BPTF: variants seen among roughly 807,000 people sequenced by gnomAD.
BPTF encodes nucleosome-remodeling factor subunit BPTF.
A neutral mutation model predicts 292.5 loss-of-function variants in BPTF; 18 were observed. The ratio of observed to expected loss-of-function variants is 0.06; its 90% confidence interval spans 0.04 to 0.09. The LOEUF is 0.09. Among genes scored for constraint, BPTF ranks in the 10% least tolerant of loss-of-function variants. The pLI is 1.00. For synonymous variants in BPTF, 1,225 were observed against 1,251.9 expected (o/e 0.98, Z 0.45); for missense variants, 2,726 against 3,498.7 (o/e 0.78, Z 5.57).
In BPTF at chr17:67,854,833, C is replaced by T; in HGVS notation, c.1436+71C>T. On this transcript the variant is annotated intron_variant, in intron 2 of 27. Transcript: ENST00000306378. This position sits in a 1 kb window ranked among gnomAD's most constrained non-coding sequence, Gnocchi z 5.6. ...CTAGTTTCCTTCGTGATTGATGTAG[C>T]AGAGCTATGCTGTTGATGTGGTATA... 3 of 1,071,828 alleles carry T rather than the reference C, an allele frequency of 2.8e-6. No homozygotes were observed. The highest frequency in any genetic ancestry group is 4.1e-6 in the Non-Finnish European group (3 of 729,436). The allele number at this position is 1,071,828 out of a possible 1,614,324, so 66.4% of individuals were successfully genotyped here.
At chr17:67,868,971 A>T (rs1472016956) in intron 3 of BPTF, among the ~76,000 whole-genome samples, 2 of 152,166 alleles carry the variant, frequency 1.3e-5, no homozygotes, top group African/African-American at 4.8e-5. Flanking sequence ...GTTTAGAAAA[A>T]TGTGTAATTT....
intron 19 of BPTF, among the ~76,000 whole-genome samples, chr17:67,943,690 T>A (rs1490696291): frequency 6.6e-6 from 1 of 152,156 alleles, no homozygotes; most frequent in African/African-American, 2.4e-5. Flanking sequence ...CTAACCTGAG[T>A]TTCTTAGTTG....
At chr17:67,900,174 G>A (rs563660535) in intron 7 of BPTF, among the ~76,000 whole-genome samples, 12 of 151,522 alleles carry the variant, frequency 7.9e-5, no homozygotes, top group African/African-American at 2.7e-4. Context: ...GCGCCATCTC[G>A]GCTCACTGCA....
rs8078431 is a variant in BPTF, at chr17:67,843,701, G to A, written c.614-10239G>A. Among the ~76,000 whole-genome samples, 880 of 147,218 alleles carry A rather than the reference G, an allele frequency of 6.0e-3. 11 individuals are homozygous for A. Among genetic ancestry groups the A allele is most frequent in the African/African-American group, 0.02 (798 of 39,588 alleles). The stretch of plus-strand genomic sequence containing the variant: ...TAGAGCAGTTCTATCACCTTTGGGT[G>A]TGAGGGTGGTCTTTTGTGATAATGA... On this transcript the variant is annotated intron_variant, in intron 1 of 27. Coordinates refer to ENST00000306378, the MANE Select transcript of BPTF (RefSeq NM_182641.4).
At chr17:67,859,680 A>G (rs1449192573) in intron 2 of BPTF, among the ~76,000 whole-genome samples, 2 of 152,226 alleles carry the variant, frequency 1.3e-5, no homozygotes, top group African/African-American at 4.8e-5. Context: ...GTTAAAACCA[A>G]TGCTTATAAC....
At chr17:67,976,342 G>T (rs575679162) in intron 27 of BPTF, among the ~76,000 whole-genome samples, 10 of 152,136 alleles carry the variant, frequency 6.6e-5, no homozygotes, top group Middle Eastern at 3.2e-3. Flanking sequence ...GTGTGGTGAC[G>T]CACGCATGTA....
Position 67,922,626 on chromosome 17 carries a change from A to G in BPTF, c.5558-214A>G, listed in dbSNP as rs376598029. 2.1e-4 allele frequency among the ~76,000 whole-genome samples: 32 copies of G among 152,262 alleles called. 2 individuals carry two copies. In the South Asian group the frequency reaches 6.4e-3, roughly 31 times the overall value. On this transcript the variant is annotated intron_variant, in intron 13 of 27. Transcript: ENST00000306378. The stretch of plus-strand genomic sequence containing the variant: ...ATGAGCCTTGGCCTACCCTGCTTTT[A>G]TAAATGAAATTTGATTGGAACACAG...
intron 1 of BPTF, among the ~76,000 whole-genome samples, chr17:67,834,361 C>T (rs1392757893): frequency 1.3e-5 from 2 of 152,062 alleles, no homozygotes; most frequent in Non-Finnish European, 2.9e-5. Flanking sequence ...GTGAATGTTC[C>T]ATATGTACTT....
At chr17:67,863,996 T>C (rs925652365) in intron 2 of BPTF, among the ~76,000 whole-genome samples, 2 of 152,214 alleles carry the variant, frequency 1.3e-5, no homozygotes, top group African/African-American at 4.8e-5. Context: ...ACCCTATGAG[T>C]CCTTGAGAAT....
rs532353782 is a variant in BPTF, at chr17:67,910,621, GAA to G, written c.2993-254_2993-253del. 3.5e-3 allele frequency among the ~76,000 whole-genome samples: 532 copies of G among 152,094 alleles called. 7 individuals are homozygous for G. Among genetic ancestry groups the G allele is most frequent in the African/African-American group, 0.012 (507 of 41,486 alleles). ...TCAAGACCAGCCTGGCCAACATTGC[GAA>G]ACCCTGTCTCTACTGAAAATTCAAA... On this transcript the variant is annotated intron_variant, in intron 10 of 27. Transcript: ENST00000306378.
chr17:67,881,000 ATATT>A (rs957522974), intron 4 of BPTF, among the ~76,000 whole-genome samples: 2 of 151,980 alleles, frequency 1.3e-5, no homozygotes, highest in African/African-American at 4.8e-5. Context: ...TTACATATAT[ATATT>A]TCAGGCTTTA....
chr17:67,959,654 T>TCCAGCCCCTCCAGCCCCC lies in BPTF; in HGVS notation c.8052_8053insGCCCCCCCAGCCCCTCCA (p.Ala2679_Pro2684dup). On this transcript the variant is annotated inframe_insertion, in exon 24 of 28. Transcript: ENST00000306378. Reference sequence around the variant, plus strand: ...CAGTGACACCAGCTCCTCCAGCCCCTCCAGCCCCTCCACCTTCACCTCCCC... The same window carrying TCCAGCCCCTCCAGCCCCC: ...CAGTGACACCAGCTCCTCCAGCCCCTCCAGCCCCTCCAGCCCCCCCAGCCCCTCCACCTTCACCTCCCC... 1 of 1,538,354 alleles carries TCCAGCCCCTCCAGCCCCC rather than the reference T, an allele frequency of 6.5e-7. No homozygotes were observed.
intron 3 of BPTF, among the ~76,000 whole-genome samples, chr17:67,872,952 T>C (rs916522783): frequency 6.6e-6 from 1 of 152,132 alleles, no homozygotes; most frequent in African/African-American, 2.4e-5. Context: ...CCAGGCGTGG[T>C]GACACATACC....
At chr17:67,875,635 G>T (rs769949554) in intron 4 of BPTF, 1 of 1,607,792 alleles carries the variant, frequency 6.2e-7, no homozygotes, top group Non-Finnish European at 8.5e-7. Flanking sequence ...CTTCAGAAGA[G>T]ACTAGTCCCT....
intron 11 of BPTF, among the ~76,000 whole-genome samples, chr17:67,913,825 G>T (rs943831647): frequency 2.6e-5 from 4 of 152,160 alleles, no homozygotes; most frequent in African/African-American, 9.7e-5. Context: ...AAATCATGTA[G>T]TTTTATGTTG....
intron 14 of BPTF, among the ~76,000 whole-genome samples, chr17:67,923,731 C>T (rs1346069527): frequency 6.6e-6 from 1 of 150,836 alleles, no homozygotes; most frequent in Non-Finnish European, 1.5e-5. Flanking sequence ...CCACCTGCCT[C>T]AGCCTCCCAA....
chr17:67,891,827 G>A lies in BPTF; in HGVS notation c.1865-17G>A. 2 of 1,555,286 alleles carry A rather than the reference G, an allele frequency of 1.3e-6. No homozygotes were observed. Among genetic ancestry groups the A allele is most frequent in the Non-Finnish European group, 8.7e-7 (1 of 1,150,660 alleles). ...ACTTATTGTCAGCAATTGCTTTGTG[G>A]CCTATTCATTTGACAGTAGGTGATT... On this transcript the variant is annotated splice_polypyrimidine_tract_variant and intron_variant, in intron 4 of 27. Coordinates refer to ENST00000306378, the MANE Select transcript of BPTF (RefSeq NM_182641.4).
chr17:67,923,592 G>C (rs183702289), intron 14 of BPTF, among the ~76,000 whole-genome samples: 2 of 138,550 alleles, frequency 1.4e-5, no homozygotes, highest in Non-Finnish European at 3.0e-5. Context: ...AAGCAATTCT[G>C]CCTCAGCCTC....
chr17:67,860,808 T>G (rs1006989617), intron 2 of BPTF, among the ~76,000 whole-genome samples: 1 of 152,200 alleles, frequency 6.6e-6, no homozygotes, highest in African/African-American at 2.4e-5. Context: ...TCCTCCAGCC[T>G]TGGCCTCCCA....
Sources: gnomAD v4.1 joint callset for allele counts (sites outside exome capture counted in the v4.1 genomes callset) on GRCh38, gnomAD v4.1.1 for gene constraint, Gnocchi (gnomAD v3.1) non-coding constraint, MANE v1.5 for transcripts, NCBI Gene and HGNC (gene_info 2026-07-23, HGNC 2026-07-21) for gene names.